EPHB2: variants seen among roughly 807,000 people sequenced by gnomAD.
EPHB2 encodes ephrin type-B receptor 2.
In EPHB2, 18 loss-of-function variants were observed where a neutral mutation model predicts 96.4. The observed-to-expected ratio is 0.19, with a 90% CI of 0.13 to 0.28. The LOEUF (loss-of-function observed/expected upper bound fraction) is 0.28, where lower values mean the gene tolerates loss of function less well. Ranked by LOEUF, EPHB2 falls within the 10% of genes least tolerant of loss-of-function variation. The pLI is 1.00. For missense variants in EPHB2, 989 were observed against 1,355.4 expected (o/e 0.73, Z 4.25); for synonymous variants, 506 against 534.1 (o/e 0.95, Z 0.72).
intron 1 of EPHB2, among the ~76,000 whole-genome samples, chr1:22,731,139 C>T (rs1277711876): frequency 2.0e-5 from 3 of 152,200 alleles, no homozygotes; most frequent in Non-Finnish European, 4.4e-5. Flanking sequence ...AAACATATGT[C>T]TCTTTCTTTC....
intron 1 of EPHB2, among the ~76,000 whole-genome samples, chr1:22,768,346 T>C (rs1644333776): frequency 6.6e-6 from 1 of 152,236 alleles, no homozygotes; most frequent in Non-Finnish European, 1.5e-5. Flanking sequence ...TCTGTGGTCC[T>C]CTGCTGTCTT....
chr1:22,761,038 G>A (rs1644228235), intron 1 of EPHB2, among the ~76,000 whole-genome samples: 1 of 152,190 alleles, frequency 6.6e-6, no homozygotes. Context: ...GTGCAGGTCT[G>A]TAGGCTTCCT....
At chr1:22,744,823 A>C (rs138226077) in intron 1 of EPHB2, among the ~76,000 whole-genome samples, 1 of 152,172 alleles carries the variant, frequency 6.6e-6, no homozygotes, top group African/African-American at 2.4e-5. Flanking sequence ...ACAGCACTAC[A>C]GACTGGGTGA....
chr1:22,741,494 A>G (rs1643901915), intron 1 of EPHB2, among the ~76,000 whole-genome samples: 1 of 151,928 alleles, frequency 6.6e-6, no homozygotes, highest in African/African-American at 2.4e-5. Context: ...CCTTAGTTAC[A>G]TCCTAGGTGC....
intron 1 of EPHB2, among the ~76,000 whole-genome samples, chr1:22,779,372 A>G (rs1461971775): frequency 1.3e-5 from 2 of 152,022 alleles, no homozygotes; most frequent in Non-Finnish European, 2.9e-5. Flanking sequence ...AGTCATGGGG[A>G]TGCCAGTGCA....
At chr1:22,793,613 G>A (rs557303728) in intron 3 of EPHB2, among the ~76,000 whole-genome samples, 33 of 152,290 alleles carry the variant, frequency 2.2e-4, no homozygotes, top group South Asian at 1.2e-3. Context: ...AAGGGAGGAT[G>A]GTGGAAGTGC....
Position 22,782,615 on chromosome 1 carries a change from C to CCGGA in EPHB2, c.126+1133_126+1136dup, listed in dbSNP as rs372184327. On this transcript the variant is annotated intron_variant, in intron 2 of 15. Transcript: ENST00000374630. ...GAGGCCAGGCTGGGCTGCAGGGCCC[C>CCGGA]CGGACGCAATTATTTGGGGTGTTTA... 1.2e-3 allele frequency among the ~76,000 whole-genome samples: 189 copies of CCGGA among 152,230 alleles called. 1 individual carries two copies. The highest frequency in any genetic ancestry group is 3.6e-3 in the African/African-American group (149 of 41,528).
At chr1:22,711,306 G>A (rs1643133306) in intron 1 of EPHB2, among the ~76,000 whole-genome samples, 2 of 147,610 alleles carry the variant, frequency 1.4e-5, no homozygotes, top group South Asian at 2.1e-4. Context: ...CCCGGCGAGC[G>A]CCGCCCAGGG....
chr1:22,727,811 C>T (rs1470136), intron 1 of EPHB2, among the ~76,000 whole-genome samples: 58,629 of 135,658 alleles, frequency 0.43, 13,915 homozygotes, highest in East Asian at 0.85. Flanking sequence ...AAAAAAAAAA[C>T]TTTTTTTTTT....
chr1:22,741,583 G>T (rs1037546978), intron 1 of EPHB2, among the ~76,000 whole-genome samples: 18 of 150,532 alleles, frequency 1.2e-4, no homozygotes, highest in African/African-American at 4.4e-4. Context: ...GGACCCTGTA[G>T]CCCATCTATT....
chr1:22,874,630 A>G (rs1408217892), intron 5 of EPHB2, among the ~76,000 whole-genome samples: 1 of 152,100 alleles, frequency 6.6e-6, no homozygotes, highest in Non-Finnish European at 1.5e-5. Flanking sequence ...CTCATTGGTA[A>G]AAAGGGAGGG....
intron 1 of EPHB2, among the ~76,000 whole-genome samples, chr1:22,763,540 C>A (rs74060667): frequency 0.023 from 3,458 of 152,146 alleles, 127 homozygotes; most frequent in African/African-American, 0.079. Flanking sequence ...CCCTCCCCCC[C>A]ACTTCAAATG....
At chr1:22,907,115 C>T (rs905996914) in intron 11 of EPHB2, among the ~76,000 whole-genome samples, 158 bp downstream of exon 11, 2 of 152,196 alleles carry the variant, frequency 1.3e-5, no homozygotes, top group African/African-American at 4.8e-5. Context: ...CCATGGCAGG[C>T]ACTGCTAATC....
chr1:22,711,043 G>GGTGA lies in EPHB2; in HGVS notation c.61+2_61+5dup, dbSNP rs1643122784. ...GCTGCCGCTGCTCGCCGCCGTGGAA[G>GGTGA]GTGAGCGAGCGGGCGGGCGGGCGGG... is the stretch of plus-strand genomic sequence containing the variant. On this transcript the variant is annotated frameshift_variant and splice_region_variant. Coordinates refer to ENST00000374630, the MANE Select transcript of EPHB2 (RefSeq NM_017449.5). LOFTEE classifies it high-confidence loss of function. 1 of 148,732 alleles carries GGTGA rather than the reference G, an allele frequency of 6.7e-6. No homozygotes were observed. Among genetic ancestry groups the GGTGA allele is most frequent in the Non-Finnish European group, 1.5e-5 (1 of 67,440 alleles). 9.2% of individuals were successfully genotyped at this position (148,732 alleles called of 1,614,324 possible).
At chr1:22,895,450 C>T in intron 7 of EPHB2, 22 bp from the exon 8 acceptor site, 3 of 1,612,090 alleles carry the variant, frequency 1.9e-6, no homozygotes, top group Non-Finnish European at 2.5e-6. Flanking sequence ...GCTGAGAATG[C>T]CCTACCATGC....
At chr1:22,727,037 G>A (rs1485823459) in intron 1 of EPHB2, among the ~76,000 whole-genome samples, 2 of 152,214 alleles carry the variant, frequency 1.3e-5, no homozygotes, top group Non-Finnish European at 2.9e-5. Flanking sequence ...GGAGAGGTTT[G>A]AGTCCGTTAA....
At chr1:22,753,293 G>T (rs1297963093) in intron 1 of EPHB2, among the ~76,000 whole-genome samples, 1 of 152,126 alleles carries the variant, frequency 6.6e-6, no homozygotes, top group Non-Finnish European at 1.5e-5. Flanking sequence ...TAAAATGGGG[G>T]TCCCTTACCA....
chr1:22,780,218 G>T (rs984778396), intron 1 of EPHB2, among the ~76,000 whole-genome samples: 2 of 152,222 alleles, frequency 1.3e-5, no homozygotes, highest in Non-Finnish European at 2.9e-5. Flanking sequence ...GAGGACAGGG[G>T]TCCTGAACCT....
At position 22,906,126 on chromosome 1, in the gene EPHB2, C is replaced by A. The variant is rs1220669572; in HGVS notation, c.1888+17C>A. On this transcript the variant is annotated intron_variant, in intron 10 of 15. Coordinates refer to ENST00000374630, the MANE Select transcript of EPHB2 (RefSeq NM_017449.5). The surrounding 1 kb of genome is among the most constrained non-coding windows in gnomAD (Gnocchi z 4.8). ...TCGGAGCAGGTAGGTGGCTGGTACT[C>A]TCACATGTACTATGACCTTAGCCAT... The A allele has an allele frequency of 1.2e-6, 2 of 1,614,036 alleles. No individual in the cohort carries two copies. The highest frequency in any genetic ancestry group is 8.5e-7 in the Non-Finnish European group (1 of 1,180,032).
Sources: allele counts gnomAD v4.1 joint callset (sites outside exome capture counted in the v4.1 genomes callset), GRCh38; gene constraint gnomAD v4.1.1; non-coding constraint Gnocchi (gnomAD v3.1); transcripts MANE v1.5; gene names NCBI Gene and HGNC (gene_info 2026-07-23, HGNC 2026-07-21).